FBN3: variants seen among roughly 807,000 people sequenced by gnomAD.
The protein encoded by FBN3 is fibrillin-3.
FBN3 carries 234 observed loss-of-function variants against 330.1 expected under a neutral mutation model. The observed-to-expected ratio is 0.71, with a 90% CI of 0.64 to 0.79. The LOEUF (loss-of-function observed/expected upper bound fraction) is 0.79, where lower values mean the gene tolerates loss of function less well. Among genes scored for constraint, FBN3 ranks in the 30% least tolerant of loss-of-function variants. FBN3 has a pLI of 0.00. For synonymous variants in FBN3, 1,458 were observed against 1,517.3 expected, an observed-to-expected ratio of 0.96 and a Z score of 0.91; for missense variants, 3,606 against 3,886.9, an observed-to-expected ratio of 0.93 and a Z score of 1.92.
chr19:8,089,291 G>T (rs1369298874), intron 51 of FBN3, among the ~76,000 whole-genome samples: 1 of 152,208 alleles, frequency 6.6e-6, no homozygotes, highest in Non-Finnish European at 1.5e-5. Context: ...GCAAGTGAAT[G>T]AATGAGTCAG....
intron 10 of FBN3, among the ~76,000 whole-genome samples, chr19:8,137,477 T>C (rs2083316174): frequency 6.6e-6 from 1 of 151,688 alleles, no homozygotes. Flanking sequence ...TCTAACCTGG[T>C]CCCAGAGATG....
chr19:8,149,520 C>T lies in FBN3; in HGVS notation c.-89G>A, dbSNP rs955429282. 1.6e-4 allele frequency: 24 copies of T among 151,944 alleles called. No individual in the cohort carries two copies. Among genetic ancestry groups the T allele is most frequent in the African/African-American group, 5.6e-4 (23 of 41,400 alleles). The allele number at this position is 151,944 out of a possible 1,614,324, so 9.4% of individuals were successfully genotyped here. A position where few individuals can be genotyped will look rare whatever the true frequency, so the allele number is the denominator to read the frequency against. Reference sequence around the variant, plus strand: ...GGACTCAGCGCTGCAGGGCGGGCTCCTGCGGCGCCGGGGACCCGGGGCGGG... The same window carrying T: ...GGACTCAGCGCTGCAGGGCGGGCTCTTGCGGCGCCGGGGACCCGGGGCGGG... On this transcript the variant is annotated 5_prime_UTR_variant, in exon 1 of 64. Coordinates refer to ENST00000600128, the MANE Select transcript of FBN3 (RefSeq NM_032447.5). This position sits in a 1 kb window ranked among gnomAD's most constrained non-coding sequence, Gnocchi z 5.5.
rs188456274 is a variant in FBN3, at chr19:8,106,533, C to T, written c.4688-300G>A. Among the ~76,000 whole-genome samples the T allele has an allele frequency of 1.0e-3, 156 of 152,294 alleles. 1 individual carries two copies. Among genetic ancestry groups the T allele is most frequent in the African/African-American group, 3.5e-3 (147 of 41,570 alleles). ...CCTCTAGATGGAGAATAGTCTTCTC[C>T]AACCTTGTCACTCCCTATAGAAAGG... On this transcript the variant is annotated intron_variant, in intron 37 of 63. Transcript: ENST00000600128.
rs2081919682 is a variant in FBN3 at position 8,085,457 on chromosome 19, G to A, written c.6993C>T (p.Gly2331=). Residue 2331 remains glycine, a synonymous_variant, in exon 56 of 64, where the codon GGC becomes GGT. Transcript: ENST00000600128. ...RAECCCGGGR[G]WGPRCELCPL... is the part of the protein sequence containing the mutation. ...GACAGAGCTCGCAGCGGGGCCCCCA[G>A]CCCCGGCCACCCCCACAGCAGCACT... 1 of 1,577,944 alleles carries A rather than the reference G, an allele frequency of 6.3e-7. No individual in the cohort carries two copies. Among genetic ancestry groups the A allele is most frequent in the East Asian group, 2.3e-5 (1 of 43,110 alleles).
intron 13 of FBN3, 25 bp downstream of exon 13, chr19:8,135,936 G>GGGGGGGGGGGGGGGGGGGGGCCC: frequency 9.0e-6 from 6 of 668,778 alleles, no homozygotes; most frequent in Non-Finnish European, 1.4e-5. Context: ...GGAAGCCCCT[G>GGGGGGGGGGGGGGGGGGGGGCCC]CCCACCCGCC....
Position 8,116,650 on chromosome 19 carries a change from C to T in FBN3, c.3712+24G>A, listed in dbSNP as rs750007331. 11 of 1,598,454 alleles carry T rather than the reference C, an allele frequency of 6.9e-6. No homozygotes were observed. In the East Asian group the frequency reaches 1.1e-4, roughly 16 times the overall value. ...CTGACACTGCCTCCTCCACCCGCCC[C>T]GCCCCACCGTCCCGGCTCCTCACCA... On this transcript the variant is annotated intron_variant, in intron 29 of 63. Coordinates refer to ENST00000600128, the MANE Select transcript of FBN3 (RefSeq NM_032447.5).
At chr19:8,127,906 C>T (rs755763316) in intron 18 of FBN3, among the ~76,000 whole-genome samples, 10 of 152,102 alleles carry the variant, frequency 6.6e-5, no homozygotes, top group Non-Finnish European at 7.3e-5. Flanking sequence ...TCTTAAACGG[C>T]GGGAGAATTG....
At position 8,121,461 on chromosome 19, in the gene FBN3, T is replaced by C; in HGVS notation, c.3083-75A>G. 2 of 1,414,400 alleles carry C rather than the reference T, an allele frequency of 1.4e-6. No homozygotes were observed. Among genetic ancestry groups the C allele is most frequent in the Non-Finnish European group, 1.9e-6 (2 of 1,057,492 alleles). 87.6% of individuals were successfully genotyped at this position (1,414,400 alleles called of 1,614,324 possible). ...GGGGCACGAGGCAGGGGGGTCCCTGTCCTTTGATGGAGGTGTGGGCTAGAG... is the reference window on the plus strand; with the variant it reads ...GGGGCACGAGGCAGGGGGGTCCCTGCCCTTTGATGGAGGTGTGGGCTAGAG... On this transcript the variant is annotated intron_variant, in intron 24 of 63. Transcript: ENST00000600128. This position sits in a 1 kb window ranked among gnomAD's most constrained non-coding sequence, Gnocchi z 4.5.
intron 16 of FBN3, among the ~76,000 whole-genome samples, chr19:8,130,628 G>GA (rs2083113918): frequency 7.5e-4 from 1 of 1,334 alleles, no homozygotes; most frequent in Admixed American, 4.2e-3. Context: ...AAGAAAGAAA[G>GA]AAAGAAAGAA....
At chr19:8,135,936 G>GGGGGGGGGGGGGGGGCGGCCGC in intron 13 of FBN3, 25 bp downstream of exon 13, 1 of 668,778 alleles carries the variant, frequency 1.5e-6, no homozygotes, top group Non-Finnish European at 2.4e-6. Flanking sequence ...GGAAGCCCCT[G>GGGGGGGGGGGGGGGGCGGCCGC]CCCACCCGCC....
At position 8,095,369 on chromosome 19, in the gene FBN3, A is replaced by G. The variant is rs761392349; in HGVS notation, c.5785+6T>C. On this transcript the variant is annotated splice_donor_region_variant and intron_variant, in intron 46 of 63. Transcript: ENST00000600128. ...AGATGCCTCCGAGCACCATAGGCAG[A>G]CTCACCCACACAGTTCTTCCCATCA... The G allele has an allele frequency of 1.2e-5, 20 of 1,612,164 alleles. No homozygotes were observed. In the South Asian group the frequency reaches 2.1e-4, roughly 17 times the overall value.
intron 38 of FBN3, among the ~76,000 whole-genome samples, chr19:8,105,600 CT>C (rs1356114661): frequency 6.6e-6 from 1 of 152,090 alleles, no homozygotes; most frequent in Admixed American, 6.6e-5. Flanking sequence ...AAATGTTATT[CT>C]TCTTTTGGTT....
chr19:8,087,840 C>T lies in FBN3; in HGVS notation c.6604G>A (p.Gly2202Arg), dbSNP rs138457751. The T allele has an allele frequency of 3.3e-3, 5,405 of 1,613,960 alleles. 21 individuals are homozygous for T. Among genetic ancestry groups the T allele is most frequent in the Non-Finnish European group, 3.5e-3 (4,160 of 1,179,926 alleles). The part of the protein sequence containing the change: ...CPAGYTLRED[G>R]AMCRDVDECA... ...TCAGGCCTACCTCGACACATGGCCC[C>T]ATCCTCCCGCAGGGTGTAGCCGGCT... The change falls in exon 53 of 64, where the codon GGG becomes AGG. Residue 2202 changes from glycine (G) to arginine (R), a missense_variant. By Grantham distance (125) the Gly-to-Arg change is moderately radical. Transcript: ENST00000600128.
In FBN3 at chr19:8,126,457, G is replaced by A. The variant is rs772211171; in HGVS notation, c.2554+11C>T. ...CCATGGGTGCCTGGGAGGCCTCAAG[G>A]AGGATACTACCGATCTCGCAGCGTT... On this transcript the variant is annotated intron_variant, in intron 20 of 63. Transcript: ENST00000600128. 2.5e-6 allele frequency: 4 copies of A among 1,609,524 alleles called. No individual in the cohort carries two copies. Among genetic ancestry groups the A allele is most frequent in the Admixed American group, 1.7e-5 (1 of 59,234 alleles).
intron 6 of FBN3, among the ~76,000 whole-genome samples, chr19:8,142,501 T>C (rs144424776): frequency 2.7e-4 from 41 of 152,070 alleles, no homozygotes; most frequent in Middle Eastern, 3.4e-3. Flanking sequence ...GCATGTCTAG[T>C]CCTTGAGCAC....
At chr19:8,127,735 C>T (rs556680455) in intron 18 of FBN3, among the ~76,000 whole-genome samples, 15 of 152,332 alleles carry the variant, frequency 9.8e-5, no homozygotes, top group African/African-American at 3.6e-4. Context: ...TGTCATCCCA[C>T]CTCTTTGGGA....
chr19:8,098,257 T>C (rs2082252313), intron 41 of FBN3, among the ~76,000 whole-genome samples: 1 of 151,932 alleles, frequency 6.6e-6, no homozygotes, highest in African/African-American at 2.4e-5. Context: ...TGTCCATCAA[T>C]GGGGGACTGA....
rs1290049233 is a variant in FBN3 at position 8,123,575 on chromosome 19, T to C, written c.2971A>G (p.Lys991Glu). The change falls in exon 24 of 64, where the codon AAG (lysine) becomes GAG (glutamate). Residue 991 changes from lysine to glutamate, a missense_variant. Transcript: ENST00000600128. ...RPFYKDVNEC[K>E]VFPGLCTHGT... ...TGCGTGCAGAGGCCAGGGAACACCT[T>C]GCATTCATTCACATCTGAAGTACAG... 2 of 1,614,144 alleles carry C rather than the reference T, an allele frequency of 1.2e-6. No homozygotes were observed. Among genetic ancestry groups the C allele is most frequent in the African/African-American group, 2.7e-5 (2 of 75,028 alleles).
chr19:8,096,464 G>T lies in FBN3; in HGVS notation c.5519C>A (p.Ala1840Glu). 6.2e-7 allele frequency: 1 copy of T among 1,613,962 alleles called. No individual in the cohort carries two copies. Among genetic ancestry groups the T allele is most frequent in the Non-Finnish European group, 8.5e-7 (1 of 1,179,932 alleles). ...CLCHRGFQAS[A>E]DQTLCMDIDE... is the part of the protein sequence containing the mutation. Reference sequence around the variant, plus strand: ...CTCACCCATGCACAGGGTCTGGTCTGCAGAGGCCTGGAATCCACGGTGACA... The same window carrying T: ...CTCACCCATGCACAGGGTCTGGTCTTCAGAGGCCTGGAATCCACGGTGACA... Residue 1840 changes from alanine to glutamate, a missense_variant, in exon 44 of 64, where the codon GCA becomes GAA. Ala to Glu is a moderately radical substitution (Grantham distance 107). Transcript: ENST00000600128. This position sits in a 1 kb window ranked among gnomAD's most constrained non-coding sequence, Gnocchi z 4.6.
Sources: allele counts gnomAD v4.1 joint callset (sites outside exome capture counted in the v4.1 genomes callset), GRCh38; gene constraint gnomAD v4.1.1; non-coding constraint Gnocchi (gnomAD v3.1); transcripts MANE v1.5; gene names NCBI Gene and HGNC (gene_info 2026-07-23, HGNC 2026-07-21).